Variants in ZNF878 observed in about 807,000 individuals in gnomAD.
The protein encoded by ZNF878 is zinc finger protein 878.
A neutral mutation model predicts 11.1 loss-of-function variants in ZNF878; 10 were observed. The observed-to-expected ratio is 0.90, with a 90% CI of 0.56 to 1.53. The LOEUF is 1.53. Ranked by LOEUF, ZNF878 falls within the 40% of genes most tolerant of loss-of-function variation. ZNF878 has a pLI of 0.00. For missense variants in ZNF878, 548 were observed against 626.1 expected, an observed-to-expected ratio of 0.88 and a Z score of 1.33; for synonymous variants, 165 against 209.7, an observed-to-expected ratio of 0.79 and a Z score of 1.84.
In ZNF878 at chr19:12,044,081, C is replaced by A. The variant is rs1975428506; in HGVS notation, c.1320G>T (p.Met440Ile). The change falls in exon 4 of 4, where the codon ATG becomes ATT. Residue 440 changes from methionine (M) to isoleucine (I), a missense_variant. This residue lies in a region of ZNF878 where 335 missense variants were observed against 358.2 expected (regional missense o/e 0.94). Transcript: ENST00000547628. ...KVFRVASQLK[M>I]HERTHTGEKP... ...TCTCTCCTGTGTGAGTCCTTTCATGCATTTTAAGTTGTGAGGCAACTCTAA... is the reference window on the plus strand; with the variant it reads ...TCTCTCCTGTGTGAGTCCTTTCATGAATTTTAAGTTGTGAGGCAACTCTAA... The A allele has an allele frequency of 6.2e-6, 10 of 1,607,888 alleles. No homozygotes were observed. The highest frequency in any genetic ancestry group is 8.5e-6 in the Non-Finnish European group (10 of 1,177,692).
rs767734255 is a variant in ZNF878, at chr19:12,044,977, G to C, written c.424C>G (p.Pro142Ala). 6 of 1,614,006 alleles carry C rather than the reference G, an allele frequency of 3.7e-6. No individual in the cohort carries two copies. In the East Asian group the frequency reaches 8.9e-5, roughly 24 times the overall value. The change falls in exon 4 of 4, where the codon CCT (proline) becomes GCT (alanine). Residue 142 changes from proline (P) to alanine (A), a missense_variant. This residue lies in a region of ZNF878 where 160 missense variants were observed against 173.3 expected (regional missense o/e 0.92). Coordinates refer to ENST00000547628, the MANE Select transcript of ZNF878 (RefSeq NM_001080404.3). ...TTCCCACATTCCTTACATTCATAAG[G>C]CTTTTCCCCAGTGTGAGTTCTTCCA... Reference protein sequence around the residue: ...IHGRTHTGEKPYECKECGKAF... With the variant: ...IHGRTHTGEKAYECKECGKAF...
intron 1 of ZNF878, among the ~76,000 whole-genome samples, chr19:12,049,825 T>C (rs1278104179): frequency 1.3e-5 from 2 of 151,944 alleles, no homozygotes; most frequent in Non-Finnish European, 2.9e-5. Context: ...TTGTGTGCCA[T>C]AGTTAGATGA....
chr19:12,051,958 C>G (rs968175527), intron 1 of ZNF878, among the ~76,000 whole-genome samples: 4 of 152,080 alleles, frequency 2.6e-5, no homozygotes, highest in Non-Finnish European at 5.9e-5. Flanking sequence ...GGGAAGGGGG[C>G]GGGGACTGGG....
intron 1 of ZNF878, 31 bp downstream of exon 1, chr19:12,052,768 G>T (rs1271451571): frequency 2.0e-6 from 3 of 1,535,352 alleles, no homozygotes; most frequent in African/African-American, 2.7e-5. Context: ...CCCTCCTTTC[G>T]CCTTGGGACT....
At position 12,044,323 on chromosome 19, in the gene ZNF878, T is replaced by A; in HGVS notation, c.1078A>T (p.Thr360Ser). The change falls in exon 4 of 4, where the codon ACA becomes TCA. Residue 360 changes from threonine (T) to serine (S), a missense_variant. By Grantham distance (58) the Thr-to-Ser change is moderately conservative. Coordinates refer to ENST00000547628, the MANE Select transcript of ZNF878 (RefSeq NM_001080404.3). ...TCAAAGGGTTTCTCTCCAGTGTGTG[T>A]CCTTTCATGTATTCGAAGATCCTTG... Reference protein sequence around the residue: ...FVKDLRIHERTHTGEKPFECK... With the variant: ...FVKDLRIHERSHTGEKPFECK... 1.2e-6 allele frequency: 2 copies of A among 1,612,858 alleles called. No individual in the cohort carries two copies. The highest frequency in any genetic ancestry group is 1.7e-6 in the Non-Finnish European group (2 of 1,179,094).
rs1347747468 is a variant in ZNF878, at chr19:12,044,883, C to T, written c.518G>A (p.Cys173Tyr). 3 of 1,614,132 alleles carry T rather than the reference C, an allele frequency of 1.9e-6. No individual in the cohort carries two copies. Among genetic ancestry groups the T allele is most frequent in the South Asian group, 2.2e-5 (2 of 91,068 alleles). Residue 173 changes from cysteine (C) to tyrosine (Y), a missense_variant, in exon 4 of 4, where the codon TGT becomes TAT. Cys to Tyr is a radical substitution (Grantham distance 194, BLOSUM62 -2). This residue lies in a region of ZNF878 where 53 missense variants were observed against 94.6 expected (regional missense o/e 0.56). Transcript: ENST00000547628. The stretch of plus-strand genomic sequence containing the variant: ...ACTGAATGCTTTCCCACACTGCTTA[C>T]ATTCATAGGGTTTTTTTGCAGAGTG... ...RIHSAKKPYE[C>Y]KQCGKAFSFP...
In ZNF878 at chr19:12,046,652, T is replaced by C; in HGVS notation, c.112A>G (p.Arg38Gly). Residue 38 changes from arginine to glycine, a missense_variant, in exon 2 of 4, where the codon AGG (arginine) becomes GGG (glycine). Arg to Gly is a moderately radical substitution (Grantham distance 125, BLOSUM62 -2). Transcript: ENST00000547628. ...TTCTTACCTATGGAGGTCAGGTTCC[T>C]CAAGGTTTCCTGCATCACTTCCCTG... ...LYREVMQETL[R>G]NLTSIGKKWN... 6.2e-6 allele frequency: 10 copies of C among 1,614,050 alleles called. No individual in the cohort carries two copies. The highest frequency in any genetic ancestry group is 8.5e-6 in the Non-Finnish European group (10 of 1,179,974).
chr19:12,045,243 A>C, intron 3 of ZNF878, 34 bp from the exon 4 acceptor site: 1 of 1,492,272 alleles, frequency 6.7e-7, no homozygotes, highest in Non-Finnish European at 9.0e-7. Flanking sequence ...TAATGGGTTT[A>C]TCACTAATTT....
chr19:12,052,870 C>T lies in ZNF878; in HGVS notation c.-69G>A. 1 of 1,530,980 alleles carries T rather than the reference C, an allele frequency of 6.5e-7. No homozygotes were observed. Among genetic ancestry groups the T allele is most frequent in the Non-Finnish European group, 8.7e-7 (1 of 1,143,592 alleles). 94.8% of individuals were successfully genotyped at this position (1,530,980 alleles called of 1,614,324 possible). ...TGAACAGTGCAGGTCACAGCGCAGT[C>T]GACAGAGCAACAGCAGCTACGGCGG... On this transcript the variant is annotated 5_prime_UTR_variant, in exon 1 of 4. Coordinates refer to ENST00000547628, the MANE Select transcript of ZNF878 (RefSeq NM_001080404.3).
chr19:12,046,368 CT>C lies in ZNF878; in HGVS notation c.190del (p.Arg64GlufsTer4). The C allele has an allele frequency of 1.3e-6, 2 of 1,565,924 alleles. No individual in the cohort carries two copies. The highest frequency in any genetic ancestry group is 1.7e-6 in the Non-Finnish European group (2 of 1,153,874). On this transcript the variant is annotated frameshift_variant and splice_region_variant, in exon 3 of 4. Transcript: ENST00000547628. LOFTEE classifies it low-confidence loss of function (END_TRUNC). ...GTTTTCTCTTTTAAGTGCCAGTTACCTTAGGTTTCTCCTAGGATTTTGGTGC... is the reference window on the plus strand; with the variant it reads ...GTTTTCTCTTTTAAGTGCCAGTTACCTAGGTTTCTCCTAGGATTTTGGTGC... ...DEHQNPRRNL[R>X]RLIGERLSES...
chr19:12,046,207 A>G (rs1975485139), intron 3 of ZNF878, 161 bp downstream of exon 3: 3 of 600,080 alleles, frequency 5.0e-6, no homozygotes, highest in Non-Finnish European at 8.5e-6. Context: ...GCTGGATTAT[A>G]CACATAAGCC....
chr19:12,052,035 C>T (rs1226934852), intron 1 of ZNF878, among the ~76,000 whole-genome samples: 1 of 152,210 alleles, frequency 6.6e-6, no homozygotes, highest in Non-Finnish European at 1.5e-5. Context: ...AAGCTTTACA[C>T]ACTCTCAACC....
intron 1 of ZNF878, among the ~76,000 whole-genome samples, chr19:12,048,769 G>A (rs565079588): frequency 1.5e-4 from 22 of 147,358 alleles, no homozygotes; most frequent in African/African-American, 5.3e-4. Context: ...AGGAGGTAGA[G>A]ATTACAATGA....
chr19:12,049,505 C>T (rs1975530645), intron 1 of ZNF878, among the ~76,000 whole-genome samples: 1 of 136,528 alleles, frequency 7.3e-6, no homozygotes, highest in Non-Finnish European at 1.5e-5. Flanking sequence ...GGCACAGTGG[C>T]TCACACCTGT....
At chr19:12,046,484 G>A in intron 2 of ZNF878, 56 bp from the exon 3 acceptor site, 1 of 1,559,392 alleles carries the variant, frequency 6.4e-7, no homozygotes, top group African/African-American at 1.4e-5. Context: ...ATTTTAAAAA[G>A]TTACTTGATT....
chr19:12,048,270 GC>G (rs1446238413), intron 1 of ZNF878, among the ~76,000 whole-genome samples: 1 of 151,818 alleles, frequency 6.6e-6, no homozygotes, highest in Non-Finnish European at 1.5e-5. Flanking sequence ...TGTAATCCCA[GC>G]ACTTTGGGAG....
At position 12,044,558 on chromosome 19, in the gene ZNF878, T is replaced by C. The variant is rs375946184; in HGVS notation, c.843A>G (p.Lys281=). The change falls in exon 4 of 4, where the codon AAA becomes AAG. Residue 281 remains lysine, a synonymous_variant. Transcript: ENST00000547628. The stretch of plus-strand genomic sequence containing the variant: ...TCCTACATTGTGTACACTCATAGGG[T>C]TTCTCTCCACTGTGAGTCCTTTCAT... ...QYHERTHSGE[K]PYECTQCRKA... 3.5e-5 allele frequency: 56 copies of C among 1,614,072 alleles called. No homozygotes were observed. The highest frequency in any genetic ancestry group is 4.6e-5 in the Non-Finnish European group (54 of 1,180,004).
At chr19:12,052,680 G>T in intron 1 of ZNF878, 119 bp downstream of exon 1, 1 of 1,303,618 alleles carries the variant, frequency 7.7e-7, no homozygotes, top group Non-Finnish European at 1.0e-6. Flanking sequence ...TGCGCTAGGG[G>T]GACTGTGTCT....
In ZNF878 at chr19:12,044,929, C is replaced by A. The variant is rs1168872205; in HGVS notation, c.472G>T (p.Val158Phe). 1.2e-6 allele frequency: 2 copies of A among 1,613,872 alleles called. No homozygotes were observed. Among genetic ancestry groups the A allele is most frequent in the Admixed American group, 3.3e-5 (2 of 59,986 alleles). Residue 158 changes from valine (V) to phenylalanine (F), a missense_variant, in exon 4 of 4, where the codon GTT becomes TTT. Val to Phe is a conservative substitution (Grantham distance 50). Around this residue, in one of 3 missense-constraint regions of ZNF878, gnomAD observed 53 missense variants for 94.6 expected, o/e 0.56. Coordinates refer to ENST00000547628, the MANE Select transcript of ZNF878 (RefSeq NM_001080404.3). ...GAGTGGATTCTTTCATGTCTACGAA[C>A]AGAACTGGGAAACCTGAATGCTTTC... ...CGKAFRFPSS[V>F]RRHERIHSAK...
Sources: allele counts gnomAD v4.1 joint callset (sites outside exome capture counted in the v4.1 genomes callset), GRCh38; gene constraint gnomAD v4.1.1; regional missense constraint gnomAD v4.1.1; transcripts MANE v1.5; gene names NCBI Gene and HGNC (gene_info 2026-07-23, HGNC 2026-07-21).